CRACR2A: variants seen among roughly 807,000 people sequenced by gnomAD.
CRACR2A encodes the protein calcium release activated channel regulator 2A.
Under a neutral mutation model 90.5 loss-of-function variants are expected in CRACR2A, and 79 were observed. The observed-to-expected ratio is 0.87, with a 90% CI of 0.73 to 1.05. The LOEUF (loss-of-function observed/expected upper bound fraction) is 1.05, where lower values mean the gene tolerates loss of function less well. Among genes scored for constraint, CRACR2A ranks in the 50% least tolerant of loss-of-function variants. The probability of loss-of-function intolerance (pLI) is 0.00; values close to 1 mark genes in which losing one functional copy is unlikely to be tolerated. For missense variants in CRACR2A, 823 were observed against 897.2 expected, an observed-to-expected ratio of 0.92 and a Z score of 1.06; for synonymous variants, 338 against 356.7, an observed-to-expected ratio of 0.95 and a Z score of 0.59.
In CRACR2A at chr12:3,629,923, C is replaced by T. The variant is rs958093247; in HGVS notation, c.1736-2217G>A. Among the ~76,000 whole-genome samples the T allele has an allele frequency of 7.2e-5, 11 of 151,826 alleles. No homozygotes were observed. In the East Asian group the frequency reaches 9.7e-4, roughly 13 times the overall value. ...CACAAGTCCAACGGGATAGACAACA[C>T]GGAATAACTGGGGACCAGAGGGCCT... is the stretch of plus-strand genomic sequence containing the variant. On this transcript the variant is annotated intron_variant, in intron 15 of 19. Transcript: ENST00000440314.
chr12:3,665,692 G>A (rs914775405), intron 7 of CRACR2A, among the ~76,000 whole-genome samples: 1 of 152,180 alleles, frequency 6.6e-6, no homozygotes, highest in African/African-American at 2.4e-5. Context: ...GTGGCAGCTT[G>A]TTGTATGTGG....
At chr12:3,745,205 C>G (rs898397647) in intron 1 of CRACR2A, among the ~76,000 whole-genome samples, 1 of 152,088 alleles carries the variant, frequency 6.6e-6, no homozygotes, top group Non-Finnish European at 1.5e-5. Flanking sequence ...TCCCAGAAGA[C>G]CCGAAAACCA....
At position 3,617,050 on chromosome 12, in the gene CRACR2A, C is replaced by A. The variant is rs369414947; in HGVS notation, c.2035-20G>T. 8 of 1,539,548 alleles carry A rather than the reference C, an allele frequency of 5.2e-6. No homozygotes were observed. Among genetic ancestry groups the A allele is most frequent in the African/African-American group, 1.4e-5 (1 of 72,762 alleles). ...GTTCTCCTAGAATCATAAAACAGAG[C>A]GAATACAAGAGTATTGGAGTGAGAG... is the stretch of plus-strand genomic sequence containing the variant. On this transcript the variant is annotated intron_variant, in intron 18 of 19. Transcript: ENST00000440314.
Position 3,746,039 on chromosome 12 carries a change from G to A in CRACR2A, c.-387+6976C>T, listed in dbSNP as rs1440721198. Among the ~76,000 whole-genome samples the A allele has an allele frequency of 6.6e-6, 1 of 151,934 alleles. No homozygotes were observed. Among genetic ancestry groups the A allele is most frequent in the African/African-American group, 2.4e-5 (1 of 41,384 alleles). Reference sequence around the variant, plus strand: ...TGAAGGGCTGTTCCTGTGCCTCAGGGCCCTGTGCTGTAAATGCTTCCCAGC... The same window carrying A: ...TGAAGGGCTGTTCCTGTGCCTCAGGACCCTGTGCTGTAAATGCTTCCCAGC... On this transcript the variant is annotated intron_variant, in intron 1 of 19. Coordinates refer to ENST00000440314, the MANE Select transcript of CRACR2A (RefSeq NM_001144958.2). This position sits in a 1 kb window ranked among gnomAD's most constrained non-coding sequence, Gnocchi z 4.4.
At chr12:3,750,649 G>T (rs1246046484) in intron 1 of CRACR2A, among the ~76,000 whole-genome samples, 1 of 152,190 alleles carries the variant, frequency 6.6e-6, no homozygotes, top group Non-Finnish European at 1.5e-5. Context: ...CAACAAAATA[G>T]ACACTATTTT....
At chr12:3,696,660 CT>C in intron 4 of CRACR2A, 111 bp downstream of exon 4, 1 of 1,450,822 alleles carries the variant, frequency 6.9e-7, no homozygotes, top group Non-Finnish European at 9.4e-7. Flanking sequence ...CAAGACAGAA[CT>C]GGTGGCATCT....
intron 2 of CRACR2A, chr12:3,729,242 C>T (rs912004390): frequency 5.9e-5 from 9 of 152,224 alleles, no homozygotes; most frequent in Admixed American, 1.3e-4. Flanking sequence ...ACAGCCGTCA[C>T]GTTAGTTATG....
In CRACR2A at chr12:3,654,530, C is replaced by T. The variant is rs570286734; in HGVS notation, c.859-131G>A. 8.4e-6 allele frequency: 7 copies of T among 831,036 alleles called. No individual in the cohort carries two copies. The East Asian group carries it at 1.9e-4, about 23-fold the overall frequency. 51.5% of individuals were successfully genotyped at this position (831,036 alleles called of 1,614,324 possible). A position where few individuals can be genotyped will look rare whatever the true frequency, so the allele number is the denominator to read the frequency against. The stretch of plus-strand genomic sequence containing the variant: ...ACTGCCACCCCTCACTGGCCTCAAG[C>T]CTAAATCAGCATTGTCCTCTCCTCA... On this transcript the variant is annotated intron_variant, in intron 9 of 19. Transcript: ENST00000440314.
At chr12:3,708,785 C>T (rs1822869775) in intron 3 of CRACR2A, among the ~76,000 whole-genome samples, 1 of 152,148 alleles carries the variant, frequency 6.6e-6, no homozygotes, top group African/African-American at 2.4e-5. Flanking sequence ...CTTCTGGGAG[C>T]CCAATCTAAG....
chr12:3,696,835 T>A lies in CRACR2A; in HGVS notation c.165A>T (p.Ala55=). 6.2e-7 allele frequency: 1 copy of A among 1,614,208 alleles called. No homozygotes were observed. Among genetic ancestry groups the A allele is most frequent in the South Asian group, 1.1e-5 (1 of 91,080 alleles). The part of the protein sequence containing the change: ...TSGQLVMLRK[A]QEFFQTCDAE... ...CATCACAGGTCTGAAAGAACTCCTG[T>A]GCCTTCCTCAGCATGACTAGCTGGC... The change falls in exon 4 of 20, where the codon GCA becomes GCT. Residue 55 remains alanine, a synonymous_variant. Coordinates refer to ENST00000440314, the MANE Select transcript of CRACR2A (RefSeq NM_001144958.2).
chr12:3,639,092 GC>G (rs911862783), intron 13 of CRACR2A, among the ~76,000 whole-genome samples: 4 of 152,088 alleles, frequency 2.6e-5, no homozygotes, highest in Non-Finnish European at 4.4e-5. Flanking sequence ...CTTTGGGAGG[GC>G]CCCCCACCTC....
At position 3,713,251 on chromosome 12, in the gene CRACR2A, C is replaced by A; in HGVS notation, c.-51G>T. ...CGCTCACTCACCTTGCAGCTCCCGG[C>A]TCCTCGGAGGACCTGCAACTCTTCA... is the stretch of plus-strand genomic sequence containing the variant. On this transcript the variant is annotated 5_prime_UTR_variant, in exon 3 of 20. Coordinates refer to ENST00000440314, the MANE Select transcript of CRACR2A (RefSeq NM_001144958.2). The A allele has an allele frequency of 1.0e-6, 1 of 985,384 alleles. No individual in the cohort carries two copies. Among genetic ancestry groups the A allele is most frequent in the Non-Finnish European group, 1.2e-6 (1 of 829,954 alleles). 61.0% of individuals were successfully genotyped at this position (985,384 alleles called of 1,614,324 possible).
intron 19 of CRACR2A, among the ~76,000 whole-genome samples, chr12:3,616,605 C>T (rs1254385799): frequency 6.6e-6 from 1 of 152,238 alleles, no homozygotes; most frequent in Non-Finnish European, 1.5e-5. Context: ...CCTGCTAAGA[C>T]ATCAGCCAGT....
intron 4 of CRACR2A, among the ~76,000 whole-genome samples, chr12:3,685,492 T>C (rs569197576): frequency 3.9e-5 from 6 of 152,350 alleles, no homozygotes; most frequent in African/African-American, 1.4e-4. Context: ...CCCAAGTATC[T>C]ACTGACAAAG....
intron 12 of CRACR2A, among the ~76,000 whole-genome samples, chr12:3,643,917 T>TTAATATATAATATATATTA (rs1944635473): frequency 9.0e-6 from 1 of 110,934 alleles, no homozygotes; most frequent in Admixed American, 1.2e-4. Context: ...TATATTTATA[T>TTAATATATAATATATATTA]TATATATATA....
At chr12:3,677,718 C>T (rs242026) in intron 6 of CRACR2A, among the ~76,000 whole-genome samples, 37,960 of 152,144 alleles carry the variant, frequency 0.25, 6,033 homozygotes, top group East Asian at 0.63. Flanking sequence ...CTTCCACCTG[C>T]CAGCTACACC....
chr12:3,641,658 C>T, intron 13 of CRACR2A, 74 bp downstream of exon 13: 1 of 1,375,168 alleles, frequency 7.3e-7, no homozygotes, highest in Non-Finnish European at 1.0e-6. Context: ...TCAGCAGGCA[C>T]TGAGTATGGG....
rs1256157840 is a variant in CRACR2A at position 3,746,728 on chromosome 12, G to A, written c.-387+6287C>T. 6.6e-6 allele frequency among the ~76,000 whole-genome samples: 1 copy of A among 152,244 alleles called. No individual in the cohort carries two copies. The highest frequency in any genetic ancestry group is 1.5e-5 in the Non-Finnish European group (1 of 68,042). On this transcript the variant is annotated intron_variant, in intron 1 of 19. Transcript: ENST00000440314. The surrounding 1 kb of genome is among the most constrained non-coding windows in gnomAD (Gnocchi z 4.4). ...CAGCAGGGACTTAGCATGCATGGAA[G>A]CTAATTAGGTGAGAGACTCTGCTTC... is the stretch of plus-strand genomic sequence containing the variant.
chr12:3,641,205 G>T (rs571671965), intron 13 of CRACR2A, among the ~76,000 whole-genome samples: 1 of 152,110 alleles, frequency 6.6e-6, no homozygotes, highest in African/African-American at 2.4e-5. Context: ...TTAGATGGGC[G>T]TGGTGGCGCA....
Sources: gnomAD v4.1 joint callset for allele counts (sites outside exome capture counted in the v4.1 genomes callset) on GRCh38, gnomAD v4.1.1 for gene constraint, Gnocchi (gnomAD v3.1) non-coding constraint, MANE v1.5 for transcripts, NCBI Gene and HGNC (gene_info 2026-07-23, HGNC 2026-07-21) for gene names.